The following CAMTA1 variants were observed in gnomAD, a reference collection of about 807,000 sequenced individuals.
The protein encoded by CAMTA1 is calmodulin-binding transcription activator 1.
A neutral mutation model predicts 170.9 loss-of-function variants in CAMTA1; 27 were observed. The ratio of observed to expected loss-of-function variants is 0.16; its 90% CI spans 0.12 to 0.22. The LOEUF is 0.22. Ranked by LOEUF, CAMTA1 falls within the 10% of genes least tolerant of loss-of-function variation. The pLI, the probability that CAMTA1 is intolerant of heterozygous loss-of-function variation, is 1.00. For synonymous variants in CAMTA1, 833 were observed against 891.5 expected (o/e 0.93, Z 1.17); for missense variants, 1,619 against 2,217.2 (o/e 0.73, Z 5.42).
intron 3 of CAMTA1, among the ~76,000 whole-genome samples, chr1:7,071,647 A>G (rs1638665153): frequency 6.6e-6 from 1 of 152,252 alleles, no homozygotes; most frequent in Non-Finnish European, 1.5e-5. Context: ...TAAAAAGCCA[A>G]TTAATATCTA....
chr1:7,594,241 GAAAGAAAA>G (rs1276530708), intron 6 of CAMTA1, among the ~76,000 whole-genome samples: 1 of 145,498 alleles, frequency 6.9e-6, no homozygotes, highest in African/African-American at 2.8e-5. Flanking sequence ...AAGGAAGGAA[GAAAGAAAA>G]GAAGGACTGT....
At chr1:7,235,814 C>CT (rs1353455399) in intron 4 of CAMTA1, among the ~76,000 whole-genome samples, 1 of 152,168 alleles carries the variant, frequency 6.6e-6, no homozygotes, top group Non-Finnish European at 1.5e-5. Flanking sequence ...AAGAAAACCT[C>CT]TTTTACGATT....
chr1:6,991,585 G>A (rs922559458), intron 3 of CAMTA1, among the ~76,000 whole-genome samples: 1 of 152,066 alleles, frequency 6.6e-6, no homozygotes, highest in Non-Finnish European at 1.5e-5. Flanking sequence ...TGTTAGTGGG[G>A]GCTTGTAGTT....
rs1488343373 is a variant in CAMTA1, at chr1:7,146,247, C to A, written c.302+54876C>A. ...CCCTCGCAGCAGGAGCTTGGCAGCC[C>A]CTGAACCCGGTGCCTGCTCATGAGC... On this transcript the variant is annotated intron_variant, in intron 4 of 22. Transcript: ENST00000303635. This position sits in a 1 kb window ranked among gnomAD's most constrained non-coding sequence, Gnocchi z 4.3. Among the ~76,000 whole-genome samples the A allele has an allele frequency of 6.6e-6, 1 of 152,060 alleles. No individual in the cohort carries two copies. Among genetic ancestry groups the A allele is most frequent in the Non-Finnish European group, 1.5e-5 (1 of 68,014 alleles).
At chr1:7,627,494 C>T (rs2095641328) in intron 6 of CAMTA1, among the ~76,000 whole-genome samples, 2 of 152,214 alleles carry the variant, frequency 1.3e-5, no homozygotes, top group Admixed American at 6.5e-5. Flanking sequence ...GGGCACTGTT[C>T]AAATGCTGTA....
In CAMTA1 at chr1:6,905,647, A is replaced by G. The variant is rs149186176; in HGVS notation, c.234+80437A>G. On this transcript the variant is annotated intron_variant, in intron 3 of 22. Transcript: ENST00000303635. Reference sequence around the variant, plus strand: ...CACTTGGGTAAAGGCTTCACATTCAAGTTTCAGTTAAACTCTCCCTCTTCT... The same window carrying G: ...CACTTGGGTAAAGGCTTCACATTCAGGTTTCAGTTAAACTCTCCCTCTTCT... 3.8e-4 allele frequency among the ~76,000 whole-genome samples: 58 copies of G among 152,182 alleles called. 1 individual carries two copies. The highest frequency in any genetic ancestry group is 1.4e-3 in the African/African-American group (58 of 41,522).
intron 1 of CAMTA1, among the ~76,000 whole-genome samples, chr1:6,804,219 T>C (rs1026261678): frequency 1.4e-5 from 2 of 147,724 alleles, no homozygotes; most frequent in Non-Finnish European, 3.0e-5. Flanking sequence ...GGTCTCAATA[T>C]GTTGCCCAGG....
chr1:7,670,246 G>A (rs923893451), intron 9 of CAMTA1, among the ~76,000 whole-genome samples: 1 of 152,126 alleles, frequency 6.6e-6, no homozygotes, highest in East Asian at 1.9e-4. Context: ...GCTCAGCCCC[G>A]TTCCACTCCC....
At chr1:7,408,238 G>A (rs2090443708) in intron 5 of CAMTA1, among the ~76,000 whole-genome samples, 1 of 152,226 alleles carries the variant, frequency 6.6e-6, no homozygotes, top group African/African-American at 2.4e-5. Context: ...GGGGCAGACA[G>A]AGACTCCTGA....
chr1:7,449,405 AG>A (rs1443110079), intron 5 of CAMTA1, among the ~76,000 whole-genome samples: 7 of 152,194 alleles, frequency 4.6e-5, no homozygotes, highest in Non-Finnish European at 8.8e-5. Flanking sequence ...GGATGCTGGC[AG>A]CGTGTGGGAT....
chr1:7,439,590 C>G (rs1321969937), intron 5 of CAMTA1, among the ~76,000 whole-genome samples: 2 of 152,206 alleles, frequency 1.3e-5, no homozygotes, highest in Non-Finnish European at 2.9e-5. Context: ...TTAACAGGCT[C>G]AAGCCTGCGC....
Position 7,738,421 on chromosome 1 carries a change from T to A in CAMTA1, c.4121T>A (p.Leu1374Gln). The A allele has an allele frequency of 6.2e-7, 1 of 1,614,164 alleles. No individual in the cohort carries two copies. Among genetic ancestry groups the A allele is most frequent in the Non-Finnish European group, 8.5e-7 (1 of 1,180,028 alleles). The change falls in exon 16 of 23, where the codon CTG becomes CAG. Residue 1374 changes from leucine to glutamine, a missense_variant. Around this residue, in one of 8 missense-constraint regions of CAMTA1, gnomAD observed 370 missense variants for 429.4 expected, o/e 0.86. Coordinates refer to ENST00000303635, the MANE Select transcript of CAMTA1 (RefSeq NM_015215.4). This position sits in a 1 kb window ranked among gnomAD's most constrained non-coding sequence, Gnocchi z 4.9. The stretch of plus-strand genomic sequence containing the variant: ...AACAGAGAGGTGGTGAATACAGAGC[T>A]GGGGTCCTACCGTGATAGTGCAGAA... ...MANREVVNTELGSYRDSAENE... is the reference protein window; with the variant it reads ...MANREVVNTEQGSYRDSAENE...
chr1:6,946,351 C>G (rs1412081130), intron 3 of CAMTA1, among the ~76,000 whole-genome samples: 1 of 152,160 alleles, frequency 6.6e-6, no homozygotes, highest in Non-Finnish European at 1.5e-5. Flanking sequence ...GCCACTATGC[C>G]TGGCTAATTT....
chr1:7,537,593 C>T (rs1466918935), intron 6 of CAMTA1, among the ~76,000 whole-genome samples: 1 of 152,216 alleles, frequency 6.6e-6, no homozygotes, highest in African/African-American at 2.4e-5. Context: ...GTCCTCAAGG[C>T]CTCTCTGCTG....
intron 6 of CAMTA1, among the ~76,000 whole-genome samples, chr1:7,597,339 C>T (rs1451464393): frequency 1.3e-5 from 2 of 152,194 alleles, no homozygotes; most frequent in Admixed American, 6.5e-5. Flanking sequence ...GTGTTTTGCA[C>T]AGAGTGAAGC....
In CAMTA1 at chr1:7,642,641, G is replaced by A. The variant is rs1047359496; in HGVS notation, c.664+2088G>A. On this transcript the variant is annotated intron_variant, in intron 7 of 22. Coordinates refer to ENST00000303635, the MANE Select transcript of CAMTA1 (RefSeq NM_015215.4). The surrounding 1 kb of genome is among the most constrained non-coding windows in gnomAD (Gnocchi z 6.3). ...GGGCCAGCGCTATGACTGCTGACCA[G>A]GAATGCTGGTGCCCCCTGGCCAGGG... 1.6e-4 allele frequency among the ~76,000 whole-genome samples: 25 copies of A among 152,302 alleles called. No individual in the cohort carries two copies. Among genetic ancestry groups the A allele is most frequent in the African/African-American group, 5.8e-4 (24 of 41,562 alleles).
intron 4 of CAMTA1, among the ~76,000 whole-genome samples, chr1:7,148,854 T>C (rs1446047558): frequency 6.6e-6 from 1 of 152,250 alleles, no homozygotes; most frequent in Admixed American, 6.5e-5. Context: ...GGGCTGTCTG[T>C]TCACTTGCTT....
intron 6 of CAMTA1, among the ~76,000 whole-genome samples, chr1:7,498,641 C>T (rs561059441): frequency 6.3e-4 from 95 of 151,224 alleles, no homozygotes; most frequent in African/African-American, 2.2e-3. Flanking sequence ...AGTGTGCATG[C>T]ATGTGAATGT....
At chr1:7,625,246 A>G (rs916456179) in intron 6 of CAMTA1, among the ~76,000 whole-genome samples, 1 of 152,240 alleles carries the variant, frequency 6.6e-6, no homozygotes, top group Non-Finnish European at 1.5e-5. Flanking sequence ...GCCAAGGAGC[A>G]TGGGGAAGGC....
Sources: allele counts gnomAD v4.1 joint callset (sites outside exome capture counted in the v4.1 genomes callset), GRCh38; gene constraint gnomAD v4.1.1; regional missense constraint gnomAD v4.1.1; non-coding constraint Gnocchi (gnomAD v3.1); transcripts MANE v1.5; gene names NCBI Gene and HGNC (gene_info 2026-07-23, HGNC 2026-07-21).